CSMD1: variants seen among roughly 807,000 people sequenced by gnomAD.
The protein encoded by CSMD1 is CUB and sushi domain-containing protein 1.
CSMD1 carries 213 observed loss-of-function variants against 417.5 expected under a neutral mutation model. The observed-to-expected ratio is 0.51, with a 90% CI of 0.46 to 0.57. The LOEUF (loss-of-function observed/expected upper bound fraction) is 0.57. Among genes scored for constraint, CSMD1 ranks in the 20% least tolerant of loss-of-function variants. The pLI, the probability that CSMD1 is intolerant of heterozygous loss-of-function variation, is 0.00. For synonymous variants in CSMD1, 2,862 were observed against 1,736.8 expected (o/e 1.65, Z -16.11); for missense variants, 6,923 against 4,529.7 (o/e 1.53, Z -15.17).
intron 3 of CSMD1, among the ~76,000 whole-genome samples, chr8:4,052,183 C>T (rs559023228): frequency 8.2e-4 from 125 of 152,146 alleles, no homozygotes; most frequent in African/African-American, 2.5e-3. Flanking sequence ...CCTTGGCCTC[C>T]GAAAGTGCTG....
chr8:3,076,952 G>A (rs1813726978), intron 49 of CSMD1, among the ~76,000 whole-genome samples: 1 of 152,140 alleles, frequency 6.6e-6, no homozygotes, highest in Non-Finnish European at 1.5e-5. Flanking sequence ...CACCTGAGTA[G>A]CGAACATTGT....
At chr8:4,391,829 C>T (rs976726069) in intron 3 of CSMD1, among the ~76,000 whole-genome samples, 1 of 152,190 alleles carries the variant, frequency 6.6e-6, no homozygotes, top group African/African-American at 2.4e-5. Context: ...CTTGCTTGTT[C>T]TGGCAAACCT....
At chr8:4,437,898 A>T (rs569698520) in intron 2 of CSMD1, among the ~76,000 whole-genome samples, 110 of 151,784 alleles carry the variant, frequency 7.2e-4, no homozygotes, top group Non-Finnish European at 1.0e-3. Context: ...CTCACCTGAG[A>T]AGCCGGCTCT....
intron 12 of CSMD1, among the ~76,000 whole-genome samples, chr8:3,464,053 C>T (rs1816665972): frequency 6.6e-6 from 1 of 152,100 alleles, no homozygotes; most frequent in African/African-American, 2.4e-5. Flanking sequence ...TAGTATTAGC[C>T]CAAAATAGGT....
intron 42 of CSMD1, 25 bp downstream of exon 42, chr8:3,118,374 C>G: frequency 6.4e-7 from 1 of 1,555,956 alleles, no homozygotes; most frequent in Non-Finnish European, 8.8e-7. Context: ...CATTAAATCG[C>G]CCCCATGCAA....
intron 5 of CSMD1, among the ~76,000 whole-genome samples, chr8:3,924,216 T>C (rs1423135441): frequency 6.6e-6 from 1 of 152,198 alleles, no homozygotes; most frequent in Non-Finnish European, 1.5e-5. Flanking sequence ...ATCGATCCAT[T>C]TTTTCCTGGT....
At chr8:4,731,655 G>A (rs908240212) in intron 1 of CSMD1, among the ~76,000 whole-genome samples, 7 of 152,142 alleles carry the variant, frequency 4.6e-5, no homozygotes, top group Admixed American at 4.6e-4. Flanking sequence ...TGCACACTTT[G>A]CATGAGTATC....
At chr8:3,320,375 C>G (rs914999553) in intron 23 of CSMD1, among the ~76,000 whole-genome samples, 1 of 152,044 alleles carries the variant, frequency 6.6e-6, no homozygotes, top group African/African-American at 2.4e-5. Context: ...TTGCTTGGCT[C>G]CCCCATGCTG....
At chr8:4,326,090 G>A (rs146658016) in intron 3 of CSMD1, among the ~76,000 whole-genome samples, 2 of 152,244 alleles carry the variant, frequency 1.3e-5, no homozygotes, top group African/African-American at 4.8e-5. Context: ...TTACCAGAAC[G>A]GAGTGGTAAA....
intron 5 of CSMD1, among the ~76,000 whole-genome samples, chr8:3,869,570 T>A (rs1805337854): frequency 6.6e-6 from 1 of 152,152 alleles, no homozygotes; most frequent in African/African-American, 2.4e-5. Flanking sequence ...CACAGGTAGA[T>A]ATAAACCTAT....
chr8:4,593,388 G>C (rs1273634421), intron 2 of CSMD1, among the ~76,000 whole-genome samples: 2 of 152,164 alleles, frequency 1.3e-5, no homozygotes, highest in African/African-American at 4.8e-5. Flanking sequence ...AATAATTTTA[G>C]TGCTAATTAT....
At chr8:4,940,761 C>T (rs1807942363) in intron 1 of CSMD1, among the ~76,000 whole-genome samples, 1 of 152,264 alleles carries the variant, frequency 6.6e-6, no homozygotes, top group East Asian at 1.9e-4. Flanking sequence ...GGTAATGCTT[C>T]AACATAGAAA....
intron 7 of CSMD1, among the ~76,000 whole-genome samples, chr8:3,674,606 T>G (rs17325977): frequency 0.14 from 21,335 of 152,082 alleles, 1,666 homozygotes; most frequent in South Asian, 0.21. Flanking sequence ...AACTCCAGAT[T>G]CTAGATATTA....
chr8:4,768,513 G>A (rs1796436173), intron 1 of CSMD1, among the ~76,000 whole-genome samples: 1 of 152,174 alleles, frequency 6.6e-6, no homozygotes, highest in African/African-American at 2.4e-5. Context: ...GAGTTATTTG[G>A]GATGAAACTC....
intron 3 of CSMD1, among the ~76,000 whole-genome samples, chr8:4,223,216 A>T (rs566345746): frequency 4.6e-5 from 7 of 152,096 alleles, no homozygotes; most frequent in Admixed American, 1.3e-4. Flanking sequence ...AAAAGCCACA[A>T]ATGAAATCTT....
At chr8:4,617,134 A>G (rs879403864) in intron 2 of CSMD1, among the ~76,000 whole-genome samples, 3 of 152,120 alleles carry the variant, frequency 2.0e-5, no homozygotes, top group Non-Finnish European at 4.4e-5. Context: ...TCTTATGCCA[A>G]CTAAGACAAG....
intron 2 of CSMD1, among the ~76,000 whole-genome samples, chr8:4,507,258 C>T (rs1019766017): frequency 6.6e-6 from 1 of 152,190 alleles, no homozygotes; most frequent in Non-Finnish European, 1.5e-5. Context: ...CAGTATATTA[C>T]TTATTTTCTC....
At chr8:3,474,370 C>A (rs564841225) in intron 11 of CSMD1, among the ~76,000 whole-genome samples, 4 of 151,946 alleles carry the variant, frequency 2.6e-5, no homozygotes, top group Non-Finnish European at 5.9e-5. Context: ...TGACCTCTCT[C>A]GGGGGAAGAG....
intron 2 of CSMD1, among the ~76,000 whole-genome samples, chr8:4,470,895 T>C (rs1399283065): frequency 6.6e-6 from 1 of 152,242 alleles, no homozygotes; most frequent in Non-Finnish European, 1.5e-5. Context: ...TAACTCTTAA[T>C]GTAAATGATT....
Sources: gnomAD v4.1 joint callset for allele counts (sites outside exome capture counted in the v4.1 genomes callset) on GRCh38, gnomAD v4.1.1 for gene constraint, MANE v1.5 for transcripts, NCBI Gene and HGNC (gene_info 2026-07-23, HGNC 2026-07-21) for gene names.